The following SORCS3 variants were observed in gnomAD, a reference collection of about 807,000 sequenced individuals.
SORCS3 encodes the protein sortilin related VPS10 domain containing receptor 3.
In SORCS3, 57 loss-of-function variants were observed where a neutral mutation model predicts 146.3. The ratio of observed to expected loss-of-function variants is 0.39; its 90% CI spans 0.31 to 0.49. SORCS3 has a LOEUF of 0.49. Among genes scored for constraint, SORCS3 ranks in the 20% least tolerant of loss-of-function variants. The pLI is 0.92. For synonymous variants in SORCS3, 653 were observed against 618.5 expected (o/e 1.06, Z -0.83); for missense variants, 1,341 against 1,575.5 (o/e 0.85, Z 2.52).
At chr10:105,005,053 G>A (rs1412501283) in intron 4 of SORCS3, among the ~76,000 whole-genome samples, 1 of 152,172 alleles carries the variant, frequency 6.6e-6, no homozygotes, top group Non-Finnish European at 1.5e-5. Flanking sequence ...CCTTTGACCA[G>A]TTACTCAAAC....
intron 2 of SORCS3, among the ~76,000 whole-genome samples, chr10:104,908,585 C>T (rs2018933229): frequency 2.6e-5 from 4 of 152,166 alleles, no homozygotes. Flanking sequence ...TGTCTTTGTA[C>T]TACTCCAGTC....
At chr10:104,933,460 C>A (rs1299326911) in intron 3 of SORCS3, among the ~76,000 whole-genome samples, 1 of 152,102 alleles carries the variant, frequency 6.6e-6, no homozygotes, top group Non-Finnish European at 1.5e-5. Flanking sequence ...CAGCAGAGTA[C>A]CATGTGTGCA....
intron 3 of SORCS3, among the ~76,000 whole-genome samples, chr10:104,956,883 C>T (rs2019498442): frequency 6.6e-6 from 1 of 152,154 alleles, no homozygotes; most frequent in South Asian, 2.1e-4. Context: ...GTTACCCCCA[C>T]AGACACCAAA....
intron 26 of SORCS3, among the ~76,000 whole-genome samples, chr10:105,263,070 A>G (rs934412078): frequency 7.2e-5 from 11 of 152,282 alleles, no homozygotes; most frequent in Non-Finnish European, 1.5e-4. Context: ...TGTTATCAAT[A>G]GAATATAAGA....
intron 5 of SORCS3, among the ~76,000 whole-genome samples, chr10:105,072,220 A>G (rs535945217): frequency 7.9e-5 from 12 of 152,256 alleles, no homozygotes; most frequent in African/African-American, 2.9e-4. Context: ...CTCTAATTAG[A>G]AGCTAAGGAG....
chr10:104,643,557 G>A (rs1266628542), intron 1 of SORCS3, among the ~76,000 whole-genome samples: 1 of 152,184 alleles, frequency 6.6e-6, no homozygotes, highest in Non-Finnish European at 1.5e-5. Context: ...TGGACAATGT[G>A]TGCCTTTGCA....
intron 1 of SORCS3, among the ~76,000 whole-genome samples, chr10:104,778,281 A>G (rs1469872174): frequency 6.6e-6 from 1 of 152,192 alleles, no homozygotes; most frequent in Admixed American, 6.5e-5. Context: ...CCATACATGC[A>G]TCTCCAGGGG....
At chr10:104,776,015 G>C (rs79013546) in intron 1 of SORCS3, among the ~76,000 whole-genome samples, 3,238 of 152,262 alleles carry the variant, frequency 0.021, 123 homozygotes, top group African/African-American at 0.073. Flanking sequence ...GTCTAGAAGT[G>C]AATGAACCTG....
At position 104,641,759 on chromosome 10, in the gene SORCS3, C is replaced by A; in HGVS notation, c.432C>A (p.Asp144Glu). The stretch of plus-strand genomic sequence containing the variant: ...CCCCAATCACCCAGGAACGCGGGGA[C>A]GCCTGGGCCACTGCTCCGGCCGATG... ...AQPPITQERG[D>E]AWATAPADGS... Residue 144 changes from aspartate to glutamate, a missense_variant, in exon 1 of 27, where the codon GAC becomes GAA. Asp to Glu is a conservative substitution (Grantham distance 45). Transcript: ENST00000369701. This position sits in a 1 kb window ranked among gnomAD's most constrained non-coding sequence, Gnocchi z 6.4. 6.5e-7 allele frequency: 1 copy of A among 1,546,740 alleles called. No individual in the cohort carries two copies. Among genetic ancestry groups the A allele is most frequent in the Non-Finnish European group, 8.7e-7 (1 of 1,146,074 alleles).
At chr10:104,963,388 A>G (rs989034927) in intron 3 of SORCS3, among the ~76,000 whole-genome samples, 5 of 152,070 alleles carry the variant, frequency 3.3e-5, no homozygotes, top group Non-Finnish European at 7.4e-5. Flanking sequence ...TTTATACCTG[A>G]CCATCAGTTG....
intron 1 of SORCS3, among the ~76,000 whole-genome samples, chr10:104,655,247 CA>C (rs34712784): frequency 0.4 from 52,950 of 133,156 alleles, 10,491 homozygotes; most frequent in East Asian, 0.64. Context: ...AGCTCCGTCT[CA>C]AAAAAAAAAA....
intron 5 of SORCS3, among the ~76,000 whole-genome samples, chr10:105,084,044 G>C (rs1434467454): frequency 6.6e-6 from 1 of 152,170 alleles, no homozygotes; most frequent in Non-Finnish European, 1.5e-5. Flanking sequence ...TGGGCAAGTT[G>C]TTTAAGCTCT....
At chr10:105,090,647 C>G (rs2055695119) in intron 6 of SORCS3, among the ~76,000 whole-genome samples, 1 of 152,138 alleles carries the variant, frequency 6.6e-6, no homozygotes, top group Admixed American at 6.5e-5. Context: ...GCAGAACAAG[C>G]ACCTGTCTGT....
chr10:105,242,961 A>C (rs2056844801), intron 20 of SORCS3, among the ~76,000 whole-genome samples: 1 of 123,612 alleles, frequency 8.1e-6, no homozygotes, highest in Admixed American at 1.0e-4. Flanking sequence ...TATATATTAT[A>C]TATTGTATGA....
chr10:104,724,805 G>A (rs1047088194), intron 1 of SORCS3, among the ~76,000 whole-genome samples: 155 of 152,126 alleles, frequency 1.0e-3, no homozygotes, highest in Admixed American at 5.2e-3. Context: ...TGTAGTTCTC[G>A]TGCTGTGGTT....
At chr10:105,016,700 C>A (rs147866023) in intron 4 of SORCS3, among the ~76,000 whole-genome samples, 17 of 152,174 alleles carry the variant, frequency 1.1e-4, no homozygotes, top group African/African-American at 4.1e-4. Context: ...AAGGCTCTAT[C>A]ATGCTGGCTG....
intron 2 of SORCS3, among the ~76,000 whole-genome samples, chr10:104,905,100 T>C (rs765797016): frequency 3.3e-5 from 5 of 152,202 alleles, no homozygotes; most frequent in Non-Finnish European, 7.3e-5. Context: ...GCCCTACTAC[T>C]CGGGTCTGTT....
chr10:104,941,802 G>A (rs1291576184), intron 3 of SORCS3, among the ~76,000 whole-genome samples: 1 of 146,934 alleles, frequency 6.8e-6, no homozygotes, highest in Non-Finnish European at 1.5e-5. Context: ...TCTTGCTCTG[G>A]CTCCAAAGCA....
intron 1 of SORCS3, among the ~76,000 whole-genome samples, chr10:104,688,352 GT>G (rs2016072384): frequency 6.6e-6 from 1 of 152,228 alleles, no homozygotes; most frequent in Admixed American, 6.5e-5. Context: ...GAGGCTGCGT[GT>G]GTGGGGGGGC....
Sources: gnomAD v4.1 joint callset for allele counts (sites outside exome capture counted in the v4.1 genomes callset) on GRCh38, gnomAD v4.1.1 for gene constraint, Gnocchi (gnomAD v3.1) non-coding constraint, MANE v1.5 for transcripts, NCBI Gene and HGNC (gene_info 2026-07-23, HGNC 2026-07-21) for gene names.